The following HMCN1 variants were observed in gnomAD, a reference collection of about 807,000 sequenced individuals.
HMCN1 encodes hemicentin-1.
HMCN1 carries 321 observed loss-of-function variants against 625.9 expected under a neutral mutation model. That is an observed-to-expected ratio of 0.51 (90% CI 0.47 to 0.56). The LOEUF is 0.56. Ranked by LOEUF, HMCN1 falls within the 20% of genes least tolerant of loss-of-function variation. The pLI is 0.00. For synonymous variants in HMCN1, 2,425 were observed against 2,417.6 expected (o/e 1.00, Z -0.09); for missense variants, 6,588 against 6,887.3 (o/e 0.96, Z 1.54).
intron 41 of HMCN1, among the ~76,000 whole-genome samples, chr1:186,048,054 C>T (rs1656689591): frequency 6.6e-6 from 1 of 152,000 alleles, no homozygotes; most frequent in Non-Finnish European, 1.5e-5. Context: ...TTATTAAATT[C>T]TTTTTTATGT....
At position 185,752,850 on chromosome 1, in the gene HMCN1, G is replaced by T. The variant is rs187090610; in HGVS notation, c.268+17803G>T. On this transcript the variant is annotated intron_variant, in intron 1 of 106. Transcript: ENST00000271588. ...CTTCCCATTAGGCTAGCATAACCCT[G>T]GTACCAAATGTCAGATATGAATACT... Among the ~76,000 whole-genome samples, 259 of 152,166 alleles carry T rather than the reference G, an allele frequency of 1.7e-3. 1 individual carries two copies. The highest frequency in any genetic ancestry group is 5.9e-3 in the African/African-American group (247 of 41,524).
At position 186,189,538 on chromosome 1, in the gene HMCN1, A is replaced by G. The variant is rs750859777; in HGVS notation, c.16568A>G (p.Asn5523Ser). ...TTCTGCCTCAAGAACTGTCCACCCA[A>G]TGATTTGGAATGTGCCTTGAGCCCA... ...SGFCLKNCPP[N>S]DLECALSPYA... The change falls in exon 107 of 107, where the codon AAT becomes AGT. Residue 5523 changes from asparagine to serine, a missense_variant. This residue lies in a region of HMCN1 where 1,954 missense variants were observed against 2,013.1 expected (regional missense o/e 0.97). Coordinates refer to ENST00000271588, the MANE Select transcript of HMCN1 (RefSeq NM_031935.3). 50 of 1,613,310 alleles carry G rather than the reference A, an allele frequency of 3.1e-5. No individual in the cohort carries two copies. The highest frequency in any genetic ancestry group is 8.9e-5 in the East Asian group (4 of 44,886).
intron 1 of HMCN1, among the ~76,000 whole-genome samples, chr1:185,818,063 C>T (rs1411855238): frequency 1.3e-5 from 2 of 152,164 alleles, no homozygotes; most frequent in Non-Finnish European, 2.9e-5. Flanking sequence ...TTCTGGACTT[C>T]TCCAGAAGCC....
chr1:185,954,264 T>C (rs550646218), intron 11 of HMCN1, among the ~76,000 whole-genome samples: 1 of 152,320 alleles, frequency 6.6e-6, no homozygotes, highest in Admixed American at 6.5e-5. Flanking sequence ...GTTCCTATTA[T>C]GTTTTCAGAA....
intron 4 of HMCN1, among the ~76,000 whole-genome samples, chr1:185,885,557 C>T (rs1664594466): frequency 6.6e-6 from 1 of 151,270 alleles, no homozygotes; most frequent in Non-Finnish European, 1.5e-5. Flanking sequence ...AGTATGATTG[C>T]ACTACATGTC....
intron 1 of HMCN1, among the ~76,000 whole-genome samples, chr1:185,827,068 A>C (rs879353301): frequency 1.3e-5 from 2 of 150,998 alleles, no homozygotes; most frequent in Non-Finnish European, 2.9e-5. Flanking sequence ...GCTACTCGGG[A>C]GGCTGAGGCA....
At chr1:185,954,531 G>C (rs1366447850) in intron 11 of HMCN1, among the ~76,000 whole-genome samples, 9 of 151,804 alleles carry the variant, frequency 5.9e-5, no homozygotes, top group Non-Finnish European at 1.3e-4. Flanking sequence ...CAAAAGGTAA[G>C]GCCTTTTTAA....
intron 100 of HMCN1, among the ~76,000 whole-genome samples, chr1:186,169,039 T>G (rs1317647750): frequency 1.3e-5 from 2 of 152,176 alleles, no homozygotes; most frequent in East Asian, 3.9e-4. Context: ...GTTCCTGTGT[T>G]AGTTTGCCAA....
intron 19 of HMCN1, among the ~76,000 whole-genome samples, chr1:185,984,834 T>C (rs1036836069): frequency 6.6e-6 from 1 of 152,196 alleles, no homozygotes; most frequent in Non-Finnish European, 1.5e-5. Context: ...CATTCGTGAC[T>C]AACAGTAACC....
At chr1:186,151,385 A>C in intron 94 of HMCN1, 36 bp downstream of exon 94, 1 of 1,578,856 alleles carries the variant, frequency 6.3e-7, no homozygotes, top group Non-Finnish European at 8.7e-7. Context: ...TTAAAAACTT[A>C]TATATTATTC....
At position 185,845,799 on chromosome 1, in the gene HMCN1, T is replaced by C. The variant is rs956709756; in HGVS notation, c.269-227T>C. On this transcript the variant is annotated intron_variant, in intron 1 of 106. Transcript: ENST00000271588. ...TGTCCTGTGACTATTTTACTCCTCC[T>C]TGCATTTCTTATGGTTAAAAATTCA... Among the ~76,000 whole-genome samples, 6 of 152,326 alleles carry C rather than the reference T, an allele frequency of 3.9e-5. No individual in the cohort carries two copies. In the South Asian group the frequency reaches 1.0e-3, roughly 26 times the overall value.
intron 1 of HMCN1, among the ~76,000 whole-genome samples, chr1:185,816,304 G>A (rs1659843777): frequency 6.6e-6 from 1 of 152,180 alleles, no homozygotes. Context: ...TTGAAAAGCA[G>A]TCACTGGGTG....
At chr1:186,108,398 C>A in intron 70 of HMCN1, 63 bp from the exon 71 acceptor site, 1 of 1,612,170 alleles carries the variant, frequency 6.2e-7, no homozygotes, top group African/African-American at 1.3e-5. Context: ...ATAGCAGAAC[C>A]AACATTTTTT....
intron 89 of HMCN1, among the ~76,000 whole-genome samples, chr1:186,143,952 G>C (rs892189488): frequency 6.6e-6 from 1 of 152,070 alleles, no homozygotes; most frequent in East Asian, 1.9e-4. Flanking sequence ...CATTTATCTT[G>C]GCATCAGGTA....
intron 4 of HMCN1, among the ~76,000 whole-genome samples, chr1:185,905,882 G>A (rs993664410): frequency 6.6e-6 from 1 of 151,720 alleles, no homozygotes; most frequent in Admixed American, 6.6e-5. Context: ...TTAAGGAGAT[G>A]GATTAGATGG....
intron 82 of HMCN1, 81 bp downstream of exon 82, chr1:186,125,875 T>A: frequency 2.0e-6 from 2 of 1,010,626 alleles, no homozygotes; most frequent in Non-Finnish European, 3.0e-6. Flanking sequence ...AGCATGGAAG[T>A]ATATTCTTTA....
intron 52 of HMCN1, among the ~76,000 whole-genome samples, chr1:186,071,431 A>G (rs1658475710): frequency 6.6e-6 from 1 of 152,188 alleles, no homozygotes; most frequent in Admixed American, 6.5e-5. Flanking sequence ...CATTCAACTT[A>G]TGTTCTTCCA....
At chr1:186,087,901 G>C in intron 60 of HMCN1, 31 bp from the exon 61 acceptor site, 1 of 1,565,234 alleles carries the variant, frequency 6.4e-7, no homozygotes, top group Admixed American at 1.7e-5. Context: ...TAACTTAATG[G>C]AGCACATACA....
Position 185,735,025 on chromosome 1 carries a change from G to A in HMCN1, c.246G>A (p.Ala82=), listed in dbSNP as rs1653461349. 2 of 1,613,986 alleles carry A rather than the reference G, an allele frequency of 1.2e-6. No homozygotes were observed. Among genetic ancestry groups the A allele is most frequent in the African/African-American group, 2.7e-5 (2 of 74,890 alleles). ...CTAAAAGACCTCTTTTCAACTTTGCGTTGGTGCCTTTCCATGATCCAGGTA... is the reference window on the plus strand; with the variant it reads ...CTAAAAGACCTCTTTTCAACTTTGCATTGGTGCCTTTCCATGATCCAGGTA... ...KRPKRPLFNF[A]LVPFHDPEIG... is the part of the protein sequence containing the mutation. The change falls in exon 1 of 107, where the codon GCG becomes GCA. Residue 82 remains alanine, a synonymous_variant. Coordinates refer to ENST00000271588, the MANE Select transcript of HMCN1 (RefSeq NM_031935.3).
Sources: allele counts gnomAD v4.1 joint callset (sites outside exome capture counted in the v4.1 genomes callset), GRCh38; gene constraint gnomAD v4.1.1; regional missense constraint gnomAD v4.1.1; transcripts MANE v1.5; gene names NCBI Gene and HGNC (gene_info 2026-07-23, HGNC 2026-07-21).